CNST: variants seen among roughly 807,000 people sequenced by gnomAD.
CNST encodes the protein consortin, connexin sorting protein, also known as consortin.
In CNST, 39 loss-of-function variants were observed where a neutral mutation model predicts 72.4. That is an observed-to-expected ratio of 0.54 (90% CI 0.42 to 0.70). The LOEUF (loss-of-function observed/expected upper bound fraction) is 0.70, where lower values mean the gene tolerates loss of function less well. CNST is among the 30% of genes least tolerant of loss of function. The probability of loss-of-function intolerance (pLI) is 0.00; values close to 1 mark genes in which losing one functional copy is unlikely to be tolerated. For synonymous variants in CNST, 332 were observed against 320.1 expected (o/e 1.04, Z -0.40); for missense variants, 871 against 868.5 (o/e 1.00, Z -0.04).
chr1:246,624,649 CCAAGGGACACACAAA>C lies in CNST; in HGVS notation c.585+3016_585+3030del, dbSNP rs1193777467. 8.5e-5 allele frequency among the ~76,000 whole-genome samples: 13 copies of C among 152,170 alleles called. 1 individual carries two copies. Among genetic ancestry groups the C allele is most frequent in the Non-Finnish European group, 1.6e-4 (11 of 68,026 alleles). On this transcript the variant is annotated intron_variant, in intron 3 of 10. Transcript: ENST00000366513. ...AGAAGACAGAATATCCTGTCACCTC[CCAAGGGACACACAAA>C]TCAGGGAGGGATGGAGATATATTTT...
At chr1:246,600,756 G>A (rs949989175) in intron 2 of CNST, among the ~76,000 whole-genome samples, 7 of 152,170 alleles carry the variant, frequency 4.6e-5, no homozygotes, top group South Asian at 2.1e-4. Flanking sequence ...CTGGGGTGTC[G>A]TAGACGTCTG....
intron 9 of CNST, among the ~76,000 whole-genome samples, chr1:246,652,182 G>C (rs1445709326): frequency 6.6e-6 from 1 of 152,162 alleles, no homozygotes; most frequent in African/African-American, 2.4e-5. Flanking sequence ...TAAATCATGT[G>C]TTTGTTTGGT....
intron 7 of CNST, 41 bp downstream of exon 7, chr1:246,641,811 GT>G (rs751639700): frequency 7.7e-7 from 1 of 1,291,112 alleles, no homozygotes; most frequent in Non-Finnish European, 1.1e-6. Context: ...TAGGAAAAAT[GT>G]TTGTGTCATA....
rs1665008732 is a variant in CNST, at chr1:246,634,464, T to C, written c.704-9T>C. On this transcript the variant is annotated splice_polypyrimidine_tract_variant and intron_variant, in intron 5 of 10. Coordinates refer to ENST00000366513, the MANE Select transcript of CNST (RefSeq NM_152609.3). ...AAGAGCCAGTGACTAACAAATACTT[T>C]AAATTTAGAAACAAAATGGAAAACT... The C allele has an allele frequency of 1.3e-6, 2 of 1,539,020 alleles. No homozygotes were observed. The highest frequency in any genetic ancestry group is 1.8e-6 in the Non-Finnish European group (2 of 1,139,512).
chr1:246,609,600 T>C (rs1663166225), intron 2 of CNST, among the ~76,000 whole-genome samples: 2 of 152,110 alleles, frequency 1.3e-5, no homozygotes, highest in African/African-American at 4.8e-5. Flanking sequence ...GTGAGCATTG[T>C]CCTTCACCCT....
chr1:246,598,186 T>C (rs1329610722), intron 2 of CNST, among the ~76,000 whole-genome samples: 1 of 150,132 alleles, frequency 6.7e-6, no homozygotes, highest in Non-Finnish European at 1.5e-5. Context: ...GTTTTTGTCA[T>C]GTTGCCCAGG....
chr1:246,662,089 A>C (rs1667129440), intron 10 of CNST, among the ~76,000 whole-genome samples: 1 of 152,244 alleles, frequency 6.6e-6, no homozygotes, highest in Admixed American at 6.5e-5. Context: ...AAATAAGGAG[A>C]ATAACATCTG....
chr1:246,664,680 C>G (rs1343523773), intron 10 of CNST, among the ~76,000 whole-genome samples: 1 of 152,102 alleles, frequency 6.6e-6, no homozygotes, highest in African/African-American at 2.4e-5. Context: ...CCCGCCTCAG[C>G]CTCCCAAAGT....
chr1:246,600,156 G>A (rs918798925), intron 2 of CNST, among the ~76,000 whole-genome samples: 1 of 152,186 alleles, frequency 6.6e-6, no homozygotes, highest in African/African-American at 2.4e-5. Context: ...ATGGGCTAGA[G>A]CTCACAAGAC....
intron 2 of CNST, among the ~76,000 whole-genome samples, chr1:246,615,003 AC>A: frequency 6.6e-6 from 1 of 152,298 alleles, no homozygotes; most frequent in South Asian, 2.1e-4. Context: ...ATTAAAGGAT[AC>A]TACTATATTG....
At chr1:246,607,928 A>G (rs1468502067) in intron 2 of CNST, 1 of 152,110 alleles carries the variant, frequency 6.6e-6, no homozygotes, top group Non-Finnish European at 1.5e-5. Context: ...TGAAAATACA[A>G]AAATTAGCCG....
chr1:246,632,453 G>T, intron 4 of CNST: 1 of 204,650 alleles, frequency 4.9e-6, no homozygotes, highest in Non-Finnish European at 1.0e-5. Flanking sequence ...TTACGACATA[G>T]GGCAGGCAAG....
intron 2 of CNST, among the ~76,000 whole-genome samples, chr1:246,610,060 A>G (rs767485744): frequency 6.6e-6 from 1 of 152,016 alleles, no homozygotes; most frequent in Non-Finnish European, 1.5e-5. Flanking sequence ...AGGCGGGTGG[A>G]TCATGAGGTC....
intron 1 of CNST, among the ~76,000 whole-genome samples, chr1:246,583,027 A>G (rs1382308187): frequency 6.6e-6 from 1 of 152,170 alleles, no homozygotes; most frequent in Non-Finnish European, 1.5e-5. Flanking sequence ...TGTGGATTTC[A>G]TCTGTGTTTC....
intron 2 of CNST, among the ~76,000 whole-genome samples, chr1:246,593,656 A>G (rs2103028597): frequency 6.6e-6 from 1 of 152,202 alleles, no homozygotes; most frequent in East Asian, 1.9e-4. Flanking sequence ...CATTTCTTAA[A>G]AGATCTAATA....
intron 9 of CNST, chr1:246,648,300 T>C (rs1666246141): frequency 9.7e-7 from 1 of 1,025,746 alleles, no homozygotes; most frequent in African/African-American, 1.7e-5. Flanking sequence ...ATATCCATTT[T>C]TTATAGTCCT....
chr1:246,587,263 A>G (rs979091761), intron 1 of CNST, among the ~76,000 whole-genome samples: 1 of 152,232 alleles, frequency 6.6e-6, no homozygotes, highest in Non-Finnish European at 1.5e-5. Context: ...GTGCCCGACT[A>G]GTCTCAGCAT....
intron 6 of CNST, among the ~76,000 whole-genome samples, chr1:246,637,490 G>A (rs1331278346): frequency 2.0e-5 from 3 of 152,342 alleles, no homozygotes; most frequent in East Asian, 1.9e-4. Context: ...GAGGCCCTAA[G>A]ACAAAAGTTC....
chr1:246,594,378 C>T (rs927736869), intron 2 of CNST, among the ~76,000 whole-genome samples: 1 of 152,094 alleles, frequency 6.6e-6, no homozygotes, highest in Non-Finnish European at 1.5e-5. Context: ...TTACTATTCC[C>T]TAATGCATTT....
Sources: gnomAD v4.1 joint callset for allele counts (sites outside exome capture counted in the v4.1 genomes callset) on GRCh38, gnomAD v4.1.1 for gene constraint, MANE v1.5 for transcripts, NCBI Gene and HGNC (gene_info 2026-07-23, HGNC 2026-07-21) for gene names.